NCAPD3: variants seen among roughly 807,000 people sequenced by gnomAD.
The protein encoded by NCAPD3 is condensin-2 complex subunit D3.
In NCAPD3, 105 loss-of-function variants were observed where a neutral mutation model predicts 182.9. The observed-to-expected ratio is 0.57, with a 90% CI of 0.49 to 0.68. The LOEUF (loss-of-function observed/expected upper bound fraction) is 0.68, where lower values mean the gene tolerates loss of function less well. Ranked by LOEUF, NCAPD3 falls within the 30% of genes least tolerant of loss-of-function variation. NCAPD3 has a pLI of 0.00. For missense variants in NCAPD3, 1,944 were observed against 1,837.0 expected (o/e 1.06, Z -1.07); for synonymous variants, 815 against 679.9 (o/e 1.20, Z -3.09).
chr11:134,164,972 G>A (rs944812815), intron 27 of NCAPD3, among the ~76,000 whole-genome samples: 1 of 150,486 alleles, frequency 6.6e-6, no homozygotes, highest in South Asian at 2.1e-4. Context: ...GCTTAGGGGA[G>A]TGGCATGCTC....
intron 1 of NCAPD3, 44 bp from the exon 2 acceptor site, chr11:134,220,770 T>C: frequency 6.4e-7 from 1 of 1,556,914 alleles, no homozygotes; most frequent in Non-Finnish European, 8.8e-7. Flanking sequence ...CTGTAACAAG[T>C]AAAAAAACTA....
intron 26 of NCAPD3, 80 bp from the exon 27 acceptor site, chr11:134,168,275 G>T: frequency 6.8e-7 from 1 of 1,471,960 alleles, no homozygotes; most frequent in Non-Finnish European, 9.4e-7. Flanking sequence ...CCCACAACTG[G>T]GGGGCCATCT....
rs1317629355 is a variant in NCAPD3, at chr11:134,202,818, C to T, written c.1613G>A (p.Gly538Glu). ...IDSSGETVGS[G>E]ERCVMAMLRR... is the part of the protein sequence containing the mutation. ...GACAGTGATAAAATCTGACATACCT[C>T]CAGATCCAACTGTTTCACCACTGCT... Residue 538 changes from glycine (G) to glutamate (E), a missense_variant and splice_region_variant, in exon 13 of 35, where the codon GGA becomes GAA. Physicochemically the swap from Gly to Glu is moderately conservative, Grantham distance 98. Coordinates refer to ENST00000534548, the MANE Select transcript of NCAPD3 (RefSeq NM_015261.3). The T allele has an allele frequency of 6.3e-7, 1 of 1,599,768 alleles. No homozygotes were observed. Among genetic ancestry groups the T allele is most frequent in the Non-Finnish European group, 8.5e-7 (1 of 1,172,004 alleles).
rs542878246 is a variant in NCAPD3, at chr11:134,168,256, G to C, written c.3374-61C>G. 15 of 1,535,276 alleles carry C rather than the reference G, an allele frequency of 9.8e-6. No individual in the cohort carries two copies. In the African/African-American group the frequency reaches 1.9e-4, roughly 20 times the overall value. ...GAGAAATGCTCTGGCCCAGAGAGGA[G>C]GTGTAATTCCCACAACTGGGGGGCC... On this transcript the variant is annotated intron_variant, in intron 26 of 34. Coordinates refer to ENST00000534548, the MANE Select transcript of NCAPD3 (RefSeq NM_015261.3).
At chr11:134,189,320 C>A (rs565944850) in intron 16 of NCAPD3, among the ~76,000 whole-genome samples, 1 of 152,144 alleles carries the variant, frequency 6.6e-6, no homozygotes, top group African/African-American at 2.4e-5. Context: ...TTTAGCATTT[C>A]TTTTCCTCAA....
intron 17 of NCAPD3, 21 bp downstream of exon 17, chr11:134,185,314 G>A: frequency 6.4e-7 from 1 of 1,573,080 alleles, no homozygotes; most frequent in South Asian, 1.2e-5. Context: ...GTCATTACTG[G>A]TTAAATTAGA....
intron 13 of NCAPD3, among the ~76,000 whole-genome samples, chr11:134,200,754 T>C (rs1352490058): frequency 6.6e-6 from 1 of 152,130 alleles, no homozygotes. Context: ...AAACCACACA[T>C]CTATACAAAA....
chr11:134,157,222 A>G (rs993546961), intron 31 of NCAPD3, 127 bp from the exon 32 acceptor site: 2 of 644,240 alleles, frequency 3.1e-6, no homozygotes, highest in East Asian at 2.9e-5. Context: ...ATTTTCTTAT[A>G]AAGAGGCAAT....
chr11:134,188,823 G>A (rs892911156), intron 16 of NCAPD3, among the ~76,000 whole-genome samples: 13 of 152,168 alleles, frequency 8.5e-5, no homozygotes, highest in African/African-American at 3.1e-4. Context: ...CCCACCAGAA[G>A]GAATAAATTC....
chr11:134,174,076 T>C (rs1314496336), intron 24 of NCAPD3, among the ~76,000 whole-genome samples: 1 of 151,668 alleles, frequency 6.6e-6, no homozygotes, highest in Non-Finnish European at 1.5e-5. Flanking sequence ...CTTCCTAAGA[T>C]CTGCATTAGC....
At chr11:134,187,963 T>C (rs1944445086) in intron 16 of NCAPD3, among the ~76,000 whole-genome samples, 1 of 152,220 alleles carries the variant, frequency 6.6e-6, no homozygotes, top group Non-Finnish European at 1.5e-5. Flanking sequence ...CATTCCCTCC[T>C]ATAGGGCCTT....
intron 32 of NCAPD3, among the ~76,000 whole-genome samples, chr11:134,156,022 T>C (rs1258501053): frequency 1.3e-5 from 2 of 152,046 alleles, no homozygotes; most frequent in East Asian, 3.9e-4. Context: ...ACTGAAGCAG[T>C]GACTAAACGA....
chr11:134,202,282 G>A (rs1860493656), intron 13 of NCAPD3, among the ~76,000 whole-genome samples: 1 of 152,228 alleles, frequency 6.6e-6, no homozygotes, highest in East Asian at 1.9e-4. Context: ...GTCTGGGAAA[G>A]ATGGGAGGGT....
chr11:134,167,298 G>A (rs1414450092), intron 27 of NCAPD3, among the ~76,000 whole-genome samples: 2 of 134,806 alleles, frequency 1.5e-5, no homozygotes, highest in Non-Finnish European at 3.1e-5. Context: ...TGAGCTTGGG[G>A]GAGCAGCACA....
intron 24 of NCAPD3, among the ~76,000 whole-genome samples, chr11:134,172,034 G>A (rs761541990): frequency 2.0e-5 from 3 of 152,206 alleles, no homozygotes; most frequent in Non-Finnish European, 2.9e-5. Context: ...CACATAGCGT[G>A]TGGACCAGAT....
chr11:134,197,012 G>A (rs903669049), intron 13 of NCAPD3, among the ~76,000 whole-genome samples: 2 of 152,128 alleles, frequency 1.3e-5, no homozygotes, highest in African/African-American at 4.8e-5. Flanking sequence ...CAGATCCCTC[G>A]CAGCTTGGTG....
Position 134,153,169 on chromosome 11 carries a change from G to T in NCAPD3, c.4359C>A (p.Asp1453Glu). ...EKIEGRSQGNDILCLSLPDKP... is the reference protein window; with the variant it reads ...EKIEGRSQGNEILCLSLPDKP... ...TATCAGGCAGTGATAAACATAAGAT[G>T]TCATTTCCTTGACTCCGGCCTTCAA... is the stretch of plus-strand genomic sequence containing the variant. The change falls in exon 34 of 35, where the codon GAC becomes GAA. Residue 1453 changes from aspartate to glutamate, a missense_variant. Asp to Glu is a conservative substitution (Grantham distance 45). Transcript: ENST00000534548. 6.2e-7 allele frequency: 1 copy of T among 1,614,158 alleles called. No individual in the cohort carries two copies. Among genetic ancestry groups the T allele is most frequent in the African/African-American group, 1.3e-5 (1 of 75,052 alleles).
intron 24 of NCAPD3, among the ~76,000 whole-genome samples, chr11:134,172,663 C>T (rs1399719093): frequency 6.6e-6 from 1 of 152,150 alleles, no homozygotes; most frequent in African/African-American, 2.4e-5. Flanking sequence ...CCTGTGATTA[C>T]AAGGCCACCA....
chr11:134,181,878 T>C (rs1348143052), intron 19 of NCAPD3, among the ~76,000 whole-genome samples: 1 of 152,176 alleles, frequency 6.6e-6, no homozygotes, highest in Admixed American at 6.5e-5. Flanking sequence ...ATGTTGAAAT[T>C]ATCTGCTGAT....
Sources: gnomAD v4.1 joint callset for allele counts (sites outside exome capture counted in the v4.1 genomes callset) on GRCh38, gnomAD v4.1.1 for gene constraint, MANE v1.5 for transcripts, NCBI Gene and HGNC (gene_info 2026-07-23, HGNC 2026-07-21) for gene names.